DIP2C: variants seen among roughly 807,000 people sequenced by gnomAD.
DIP2C encodes disco-interacting protein 2 homolog C.
In DIP2C, 33 loss-of-function variants were observed where a neutral mutation model predicts 192.4. The ratio of observed to expected loss-of-function variants is 0.17; its 90% CI spans 0.13 to 0.23. DIP2C has a LOEUF of 0.23. Among genes scored for constraint, DIP2C ranks in the 10% least tolerant of loss-of-function variants. The probability of loss-of-function intolerance (pLI) is 1.00; values close to 1 mark genes in which losing one functional copy is unlikely to be tolerated. For missense variants in DIP2C, 1,537 were observed against 2,110.1 expected, an observed-to-expected ratio of 0.73 and a Z score of 5.32; for synonymous variants, 979 against 864.1, an observed-to-expected ratio of 1.13 and a Z score of -2.33.
intron 24 of DIP2C, among the ~76,000 whole-genome samples, chr10:354,829 AG>A (rs1372172760): frequency 6.6e-6 from 1 of 151,992 alleles, no homozygotes; most frequent in African/African-American, 2.4e-5. Flanking sequence ...GGAAATCTCT[AG>A]AGAACTGCCA....
intron 32 of DIP2C, among the ~76,000 whole-genome samples, chr10:291,001 G>A: frequency 6.6e-6 from 1 of 152,222 alleles, no homozygotes; most frequent in Non-Finnish European, 1.5e-5. Context: ...ATGGGCAAAT[G>A]CCCCAGGGCT....
chr10:423,437 C>G (rs184814378), intron 4 of DIP2C, among the ~76,000 whole-genome samples: 2 of 152,226 alleles, frequency 1.3e-5, no homozygotes, highest in Admixed American at 6.5e-5. Context: ...ATGTTTAGCC[C>G]TTGTTAGTCC....
intron 4 of DIP2C, among the ~76,000 whole-genome samples, chr10:425,415 G>T: frequency 1.1e-5 from 1 of 95,022 alleles, no homozygotes; most frequent in Non-Finnish European, 2.1e-5. Flanking sequence ...CGGATGATAC[G>T]GCATGACCAG....
chr10:370,047 C>T (rs2132787753), intron 17 of DIP2C: 1 of 985,428 alleles, frequency 1.0e-6, no homozygotes, highest in Middle Eastern at 5.2e-4. Context: ...GCATCCACTC[C>T]AAGAATGCAG....
At chr10:283,131 T>G in intron 35 of DIP2C, 141 bp downstream of exon 35, 1 of 1,194,800 alleles carries the variant, frequency 8.4e-7, no homozygotes, top group Non-Finnish European at 1.2e-6. Context: ...TTAAACTCGG[T>G]TCTTTTCACA....
intron 32 of DIP2C, among the ~76,000 whole-genome samples, chr10:289,867 C>T (rs1437207641): frequency 6.6e-6 from 1 of 152,192 alleles, no homozygotes; most frequent in Non-Finnish European, 1.5e-5. Context: ...CTCCACGTGC[C>T]AGACATGTGG....
At chr10:619,112 C>A (rs575481001) in intron 1 of DIP2C, among the ~76,000 whole-genome samples, 1 of 152,186 alleles carries the variant, frequency 6.6e-6, no homozygotes, top group Non-Finnish European at 1.5e-5. Flanking sequence ...AGGAAAGGCA[C>A]GGTGAGCCCC....
intron 14 of DIP2C, 71 bp downstream of exon 14, chr10:387,674 C>G: frequency 7.2e-7 from 1 of 1,380,866 alleles, no homozygotes; most frequent in South Asian, 1.2e-5. Flanking sequence ...GAGGGGGACT[C>G]CTGTGTGGAC....
intron 30 of DIP2C, among the ~76,000 whole-genome samples, chr10:328,470 C>G (rs992171316): frequency 1.3e-5 from 2 of 152,212 alleles, no homozygotes; most frequent in African/African-American, 4.8e-5. Flanking sequence ...AAATTGCATA[C>G]TGACCCTCAA....
At chr10:321,074 C>G (rs954570529) in intron 31 of DIP2C, among the ~76,000 whole-genome samples, 3 of 152,146 alleles carry the variant, frequency 2.0e-5, no homozygotes, top group Non-Finnish European at 4.4e-5. Context: ...GGGAGGCAGA[C>G]GCTTGGGGCT....
chr10:491,094 G>A (rs758721668), intron 1 of DIP2C, among the ~76,000 whole-genome samples: 44 of 152,202 alleles, frequency 2.9e-4, no homozygotes, highest in Non-Finnish European at 5.0e-4. Flanking sequence ...GCTTCCTCTC[G>A]GCCTCAGGCA....
intron 1 of DIP2C, chr10:630,699 A>C (rs1376428431): frequency 1.3e-5 from 2 of 152,308 alleles, no homozygotes; most frequent in African/African-American, 4.8e-5. Context: ...AATGTTCAGG[A>C]AACAGACCAG....
chr10:316,003 TTTG>T (rs990092596), intron 31 of DIP2C, among the ~76,000 whole-genome samples: 2 of 152,128 alleles, frequency 1.3e-5, no homozygotes, highest in African/African-American at 4.8e-5. Context: ...GCATTTCCAT[TTTG>T]TTTTTTCTCA....
In DIP2C at chr10:363,615, C is replaced by T. The variant is rs975904324; in HGVS notation, c.2478-304G>A. Among the ~76,000 whole-genome samples the T allele has an allele frequency of 2.6e-5, 4 of 152,184 alleles. No individual in the cohort carries two copies. Among genetic ancestry groups the T allele is most frequent in the Admixed American group, 6.5e-5 (1 of 15,274 alleles). On this transcript the variant is annotated intron_variant, in intron 20 of 36. Coordinates refer to ENST00000280886, the MANE Select transcript of DIP2C (RefSeq NM_014974.3). This position sits in a 1 kb window ranked among gnomAD's most constrained non-coding sequence, Gnocchi z 5.4. ...AGGGGCAAATGCGCAATGATCAGAC[C>T]TGCTGAAATTTAGGGAGTCACACCC...
chr10:581,226 T>TCA (rs2131589490), intron 1 of DIP2C, among the ~76,000 whole-genome samples: 1 of 152,280 alleles, frequency 6.6e-6, no homozygotes, highest in South Asian at 2.1e-4. Context: ...TTTCTTGAAT[T>TCA]CAGCTGGGGA....
intron 1 of DIP2C, among the ~76,000 whole-genome samples, chr10:540,200 C>CA (rs1443147228): frequency 6.6e-6 from 1 of 152,232 alleles, no homozygotes; most frequent in Admixed American, 6.5e-5. Context: ...CAACAATGTT[C>CA]AAATTCTAGG....
At chr10:540,870 A>C (rs749305663) in intron 1 of DIP2C, among the ~76,000 whole-genome samples, 12 of 152,200 alleles carry the variant, frequency 7.9e-5, no homozygotes, top group Admixed American at 3.3e-4. Flanking sequence ...AAGGGTTTTG[A>C]TTATAGTAAA....
intron 1 of DIP2C, among the ~76,000 whole-genome samples, chr10:491,905 A>G (rs570397944): frequency 4.6e-5 from 7 of 152,270 alleles, no homozygotes; most frequent in African/African-American, 1.4e-4. Context: ...AAGAAGATGG[A>G]CCACAGAAAA....
chr10:559,830 G>C (rs1297627721), intron 1 of DIP2C, among the ~76,000 whole-genome samples: 1 of 152,206 alleles, frequency 6.6e-6, no homozygotes, highest in African/African-American at 2.4e-5. Flanking sequence ...CCTGCTCAGG[G>C]TTCAGCACAG....
Sources: allele counts gnomAD v4.1 joint callset (sites outside exome capture counted in the v4.1 genomes callset), GRCh38; gene constraint gnomAD v4.1.1; non-coding constraint Gnocchi (gnomAD v3.1); transcripts MANE v1.5; gene names NCBI Gene and HGNC (gene_info 2026-07-23, HGNC 2026-07-21).